Variants in CTNNA3 observed in about 807,000 individuals in gnomAD.
CTNNA3 encodes the protein catenin alpha-3.
Under a neutral mutation model 95.7 loss-of-function variants are expected in CTNNA3, and 76 were observed. That is an observed-to-expected ratio of 0.79 (90% CI 0.66 to 0.96). The LOEUF (loss-of-function observed/expected upper bound fraction) is 0.96, where lower values mean the gene tolerates loss of function less well. Ranked by LOEUF, CTNNA3 falls within the 40% of genes least tolerant of loss-of-function variation. The pLI, the probability that CTNNA3 is intolerant of heterozygous loss-of-function variation, is 0.00. For synonymous variants in CTNNA3, 431 were observed against 374.4 expected, an observed-to-expected ratio of 1.15 and a Z score of -1.74; for missense variants, 1,191 against 1,089.8, an observed-to-expected ratio of 1.09 and a Z score of -1.31.
intron 15 of CTNNA3, among the ~76,000 whole-genome samples, chr10:66,056,170 A>G (rs991083549): frequency 4.6e-5 from 7 of 152,156 alleles, no homozygotes; most frequent in Admixed American, 1.3e-4. Flanking sequence ...TGTTATATAT[A>G]GCGTTTATCT....
rs947077676 is a variant in CTNNA3 at position 66,179,935 on chromosome 10, TAA to T, written c.1885-76688_1885-76687del. On this transcript the variant is annotated intron_variant, in intron 13 of 17. Coordinates refer to ENST00000433211, the MANE Select transcript of CTNNA3 (RefSeq NM_013266.4). ...CTAGAGTATAAACTTGTAATTTGAA[TAA>T]AGAGTATGGGTTGAATAGTAGATGT... Among the ~76,000 whole-genome samples the T allele has an allele frequency of 1.3e-4, 20 of 152,262 alleles. No homozygotes were observed. The East Asian group carries it at 1.4e-3, about 10-fold the overall frequency.
intron 9 of CTNNA3, among the ~76,000 whole-genome samples, chr10:66,734,667 G>T (rs1290458919): frequency 6.6e-6 from 1 of 152,032 alleles, no homozygotes; most frequent in Non-Finnish European, 1.5e-5. Context: ...TTCGAGACCA[G>T]CCTGGCCAAC....
intron 7 of CTNNA3, among the ~76,000 whole-genome samples, chr10:66,816,826 G>T (rs143496560): frequency 1.3e-5 from 2 of 151,906 alleles, no homozygotes; most frequent in Non-Finnish European, 1.5e-5. Context: ...TATAAAGTAC[G>T]TCCTCCATCT....
At chr10:66,962,358 A>G (rs993569845) in intron 7 of CTNNA3, among the ~76,000 whole-genome samples, 2 of 151,702 alleles carry the variant, frequency 1.3e-5, no homozygotes, top group African/African-American at 2.4e-5. Flanking sequence ...TCTTGCCCCA[A>G]ATGTCTGCCT....
At chr10:66,784,000 T>C (rs1840641836) in intron 7 of CTNNA3, among the ~76,000 whole-genome samples, 4 of 152,150 alleles carry the variant, frequency 2.6e-5, no homozygotes, top group South Asian at 4.1e-4. Context: ...CCTTTACATA[T>C]GGCTATGGAA....
chr10:67,522,109 G>A, intron 4 of CTNNA3, 148 bp from the exon 5 acceptor site: 1 of 760,120 alleles, frequency 1.3e-6, no homozygotes, highest in Non-Finnish European at 2.0e-6. Context: ...ATCTTTCAAT[G>A]AAATAATTAG....
intron 7 of CTNNA3, among the ~76,000 whole-genome samples, chr10:66,998,610 G>A (rs752700362): frequency 2.0e-5 from 3 of 151,966 alleles, no homozygotes; most frequent in Non-Finnish European, 4.4e-5. Flanking sequence ...AAGGCACATT[G>A]GAAATAAAGA....
chr10:66,761,264 G>A (rs1839587863), intron 9 of CTNNA3, among the ~76,000 whole-genome samples: 1 of 152,042 alleles, frequency 6.6e-6, no homozygotes, highest in Non-Finnish European at 1.5e-5. Context: ...TTTGTAGGTG[G>A]TAGGGAAGTA....
chr10:66,746,058 C>T (rs1398754996), intron 9 of CTNNA3, among the ~76,000 whole-genome samples: 6 of 152,084 alleles, frequency 3.9e-5, no homozygotes, highest in South Asian at 2.1e-4. Flanking sequence ...TATATGCCAT[C>T]GGCATGTTCC....
chr10:67,094,406 A>G (rs1589729840), intron 7 of CTNNA3, among the ~76,000 whole-genome samples: 1 of 151,908 alleles, frequency 6.6e-6, no homozygotes, highest in East Asian at 1.9e-4. Context: ...CATATTTTAA[A>G]ATACATGATA....
intron 5 of CTNNA3, among the ~76,000 whole-genome samples, chr10:67,425,536 A>G (rs1845894712): frequency 6.6e-6 from 1 of 152,090 alleles, no homozygotes; most frequent in Non-Finnish European, 1.5e-5. Context: ...AGAGGAAAAA[A>G]AAACCGTGCA....
rs139324474 is a variant in CTNNA3, at chr10:66,201,412, T to C, written c.1884+79058A>G. 3.3e-5 allele frequency among the ~76,000 whole-genome samples: 5 copies of C among 152,326 alleles called. No homozygotes were observed. The East Asian group carries it at 9.6e-4, about 29-fold the overall frequency. On this transcript the variant is annotated intron_variant, in intron 13 of 17. Transcript: ENST00000433211. ...AACTGCCCTGCTGTAAATTTCGACA[T>C]CTAATTTCAACCAGAGTTTCATTAG...
In CTNNA3 at chr10:67,011,617, G is replaced by C. The variant is rs182996305; in HGVS notation, c.1047+168700C>G. Among the ~76,000 whole-genome samples the C allele has an allele frequency of 1.7e-3, 254 of 152,178 alleles. 2 individuals are homozygous for C. The highest frequency in any genetic ancestry group is 3.7e-3 in the Admixed American group (57 of 15,294). Reference sequence around the variant, plus strand: ...TATTTTTTCCCTAAAATTTTTAGTAGAATTTCACCCTAGGCTATGTGTAAC... The same window carrying C: ...TATTTTTTCCCTAAAATTTTTAGTACAATTTCACCCTAGGCTATGTGTAAC... On this transcript the variant is annotated intron_variant, in intron 7 of 17. Coordinates refer to ENST00000433211, the MANE Select transcript of CTNNA3 (RefSeq NM_013266.4).
chr10:66,285,119 T>C (rs2091562826), intron 12 of CTNNA3, among the ~76,000 whole-genome samples: 1 of 151,916 alleles, frequency 6.6e-6, no homozygotes, highest in Middle Eastern at 3.2e-3. Flanking sequence ...TCTGATCCTT[T>C]ATCACACATC....
intron 17 of CTNNA3, among the ~76,000 whole-genome samples, chr10:65,957,380 C>T (rs532882156): frequency 1.3e-5 from 2 of 152,216 alleles, no homozygotes; most frequent in Admixed American, 6.5e-5. Flanking sequence ...GAGCATTTAG[C>T]CCATTTGCAT....
chr10:66,920,859 C>G (rs1417585877), intron 7 of CTNNA3, among the ~76,000 whole-genome samples: 1 of 152,114 alleles, frequency 6.6e-6, no homozygotes, highest in Non-Finnish European at 1.5e-5. Context: ...TAGAAAAGTT[C>G]TGTTGATTTT....
At chr10:65,968,320 G>A (rs950723418) in intron 16 of CTNNA3, among the ~76,000 whole-genome samples, 2 of 152,112 alleles carry the variant, frequency 1.3e-5, no homozygotes, top group African/African-American at 4.8e-5. Flanking sequence ...ATGCTGCAGT[G>A]AGCCATGATT....
At position 66,546,407 on chromosome 10, in the gene CTNNA3, G is replaced by T. The variant is rs377634008; in HGVS notation, c.1375-25634C>A. Among the ~76,000 whole-genome samples, 16 of 152,116 alleles carry T rather than the reference G, an allele frequency of 1.1e-4. 1 individual carries two copies. The highest frequency in any genetic ancestry group is 3.9e-4 in the African/African-American group (16 of 41,508). On this transcript the variant is annotated intron_variant, in intron 10 of 17. Coordinates refer to ENST00000433211, the MANE Select transcript of CTNNA3 (RefSeq NM_013266.4). Reference sequence around the variant, plus strand: ...ATCATAATAATAAATGTATATTTCTGTATTTTTATTCCATTTGTTTATCCT... The same window carrying T: ...ATCATAATAATAAATGTATATTTCTTTATTTTTATTCCATTTGTTTATCCT...
Position 66,534,925 on chromosome 10 carries a change from A to T in CTNNA3, c.1375-14152T>A, listed in dbSNP as rs144298719. ...GTTTTCTCATTAAATAATTACAAACATTTCCATTTAAAATTTACTACTCTA... is the reference window on the plus strand; with the variant it reads ...GTTTTCTCATTAAATAATTACAAACTTTTCCATTTAAAATTTACTACTCTA... On this transcript the variant is annotated intron_variant, in intron 10 of 17. Coordinates refer to ENST00000433211, the MANE Select transcript of CTNNA3 (RefSeq NM_013266.4). Among the ~76,000 whole-genome samples the T allele has an allele frequency of 1.2e-4, 19 of 152,190 alleles. No homozygotes were observed. In the East Asian group the frequency reaches 3.7e-3, roughly 29 times the overall value.
Sources: allele counts gnomAD v4.1 joint callset (sites outside exome capture counted in the v4.1 genomes callset), GRCh38; gene constraint gnomAD v4.1.1; transcripts MANE v1.5; gene names NCBI Gene and HGNC (gene_info 2026-07-23, HGNC 2026-07-21).